GPR89B: variants seen among roughly 807,000 people sequenced by gnomAD.
GPR89B encodes the protein golgi pH regulator B.
In GPR89B, 25 loss-of-function variants were observed where a neutral mutation model predicts 52.4. That is an observed-to-expected ratio of 0.48 (90% CI 0.35 to 0.67). The LOEUF (loss-of-function observed/expected upper bound fraction) is 0.67, where lower values mean the gene tolerates loss of function less well. Ranked by LOEUF, GPR89B falls within the 30% of genes least tolerant of loss-of-function variation. The pLI, the probability that GPR89B is intolerant of heterozygous loss-of-function variation, is 0.01. For missense variants in GPR89B, 146 were observed against 450.2 expected (o/e 0.32, Z 6.11); for synonymous variants, 52 against 151.2 (o/e 0.34, Z 4.81).
the GPR89B span, chr1:148,011,426 C>T: frequency 6.6e-6 from 1 of 152,318 alleles, no homozygotes; most frequent in East Asian, 1.9e-4. Flanking sequence ...CGGGCACACC[C>T]CTGAGTAATC....
chr1:147,935,457 G>A (rs1312055659), intron 1 of GPR89B, among the ~76,000 whole-genome samples: 2 of 152,244 alleles, frequency 1.3e-5, no homozygotes, highest in Non-Finnish European at 1.5e-5. Flanking sequence ...GTGTCAGTGT[G>A]TATGTATAGA....
At chr1:147,988,187 T>C (rs1260517416) in intron 11 of GPR89B, among the ~76,000 whole-genome samples, 2 of 151,530 alleles carry the variant, frequency 1.3e-5, no homozygotes, top group African/African-American at 4.8e-5. Context: ...ACCCTGGCTC[T>C]ACAAAAAAAA....
downstream of GPR89B, among the ~76,000 whole-genome samples, chr1:147,995,194 C>G (rs2149099798): frequency 6.6e-6 from 1 of 150,926 alleles, no homozygotes; most frequent in African/African-American, 2.4e-5. Context: ...ATCCTGATAA[C>G]AATCCTACAA....
At chr1:148,002,882 C>A in the GPR89B span, among the ~76,000 whole-genome samples, 1 of 152,192 alleles carries the variant, frequency 6.6e-6, no homozygotes. Flanking sequence ...TTTCCCAAAT[C>A]TATTCATGTT....
At chr1:147,937,026 G>A (rs7412158) in intron 2 of GPR89B, among the ~76,000 whole-genome samples, 1 of 151,426 alleles carries the variant, frequency 6.6e-6, no homozygotes, top group African/African-American at 2.4e-5. Flanking sequence ...TGAATTGCAA[G>A]CCTTATATTA....
intron 1 of GPR89B, among the ~76,000 whole-genome samples, chr1:147,932,611 C>T (rs587616529): frequency 2.6e-5 from 4 of 152,166 alleles, no homozygotes; most frequent in Non-Finnish European, 5.9e-5. Flanking sequence ...AACCATGCCT[C>T]GTACTTACTC....
chr1:147,933,888 A>C (rs1279978758), intron 1 of GPR89B, among the ~76,000 whole-genome samples: 1 of 152,162 alleles, frequency 6.6e-6, no homozygotes, highest in Non-Finnish European at 1.5e-5. Context: ...AACAAATCAG[A>C]CCATGCCATT....
chr1:147,994,308 T>A (rs1659260179), downstream of GPR89B: 1 of 1,524,936 alleles, frequency 6.6e-7, no homozygotes, highest in African/African-American at 1.4e-5. Context: ...TCATCACATC[T>A]CTGTATCTTC....
At chr1:147,949,432 T>A (rs1215066136) in intron 5 of GPR89B, among the ~76,000 whole-genome samples, 28 of 6,794 alleles carry the variant, frequency 4.1e-3, no homozygotes, top group South Asian at 6.6e-3. Context: ...GCTGGCCGGG[T>A]GGGGGGCTGA....
chr1:148,025,523 CAAAAAAAAAAAAAAAAA>C, the GPR89B span, among the ~76,000 whole-genome samples: 3 of 29,656 alleles, frequency 1.0e-4, no homozygotes, highest in Admixed American at 5.0e-4. Flanking sequence ...AACTCTGTCT[CAAAAAAAAAAAAAAAAA>C]AAAAAAAAAA....
At chr1:148,014,351 C>T in the GPR89B span, 1 of 151,674 alleles carries the variant, frequency 6.6e-6, no homozygotes, top group African/African-American at 2.4e-5. Flanking sequence ...ACTCAAGATT[C>T]GTAGGAGGGC....
At chr1:147,933,555 A>G (rs1653827517) in intron 1 of GPR89B, among the ~76,000 whole-genome samples, 1 of 152,044 alleles carries the variant, frequency 6.6e-6, no homozygotes, top group African/African-American at 2.4e-5. Flanking sequence ...AGTGTGTTCA[A>G]AAATGAGCTC....
In GPR89B at chr1:147,943,539, G is replaced by A. The variant is rs782621260; in HGVS notation, c.308G>A (p.Arg103Gln). The change falls in exon 4 of 14, where the codon CGA becomes CAA. Residue 103 changes from arginine (R) to glutamine (Q), a missense_variant. Transcript: ENST00000314163. ...GGCTATTTTATTGTGAGCAATATCC[G>A]ACTACGTAAGTATTTTACCCTCTCA... ...YIGYFIVSNI[R>Q]LLHKQRLLFS... The A allele has an allele frequency of 8.1e-6, 13 of 1,613,188 alleles. No homozygotes were observed. Among genetic ancestry groups the A allele is most frequent in the Admixed American group, 5.0e-5 (3 of 59,996 alleles).
At chr1:147,968,247 G>C (rs1226072415) in intron 8 of GPR89B, 1 of 453,710 alleles carries the variant, frequency 2.2e-6, no homozygotes. Flanking sequence ...AACGGAAAGA[G>C]CAGGCTTTGG....
chr1:147,948,731 T>G (rs1249769056), intron 5 of GPR89B, among the ~76,000 whole-genome samples: 8 of 151,964 alleles, frequency 5.3e-5, no homozygotes, highest in Admixed American at 4.6e-4. Context: ...GGAAATGGTG[T>G]TGTGGAAGCC....
the GPR89B span, among the ~76,000 whole-genome samples, chr1:148,003,506 C>G: frequency 6.6e-6 from 1 of 152,166 alleles, no homozygotes; most frequent in Non-Finnish European, 1.5e-5. Flanking sequence ...GTACCAAAAA[C>G]AAACGCTACC....
rs1301356281 is a variant in GPR89B at position 147,929,728 on chromosome 1, A to G, written c.42+1150A>G. On this transcript the variant is annotated intron_variant, in intron 1 of 13. Transcript: ENST00000314163. Reference sequence around the variant, plus strand: ...CTTTTCTCTTCAAAAACTTGTTTACAATATTTAAGAAAATAAGAAAGAAGG... The same window carrying G: ...CTTTTCTCTTCAAAAACTTGTTTACGATATTTAAGAAAATAAGAAAGAAGG... Among the ~76,000 whole-genome samples the G allele has an allele frequency of 4.6e-5, 7 of 152,232 alleles. No homozygotes were observed. In the East Asian group the frequency reaches 1.3e-3, roughly 29 times the overall value.
chr1:147,938,627 A>C (rs1234188908), intron 2 of GPR89B, 87 bp from the exon 3 acceptor site: 1 of 1,605,734 alleles, frequency 6.2e-7, no homozygotes, highest in East Asian at 2.2e-5. Flanking sequence ...CCTCAAAATA[A>C]GTTTTCTGCC....
At chr1:148,023,274 A>C in the GPR89B span, among the ~76,000 whole-genome samples, 1 of 145,798 alleles carries the variant, frequency 6.9e-6, no homozygotes, top group Admixed American at 6.8e-5. Flanking sequence ...ACATGATTTC[A>C]TTCTTTTTTA....
Sources: allele counts gnomAD v4.1 joint callset (sites outside exome capture counted in the v4.1 genomes callset), GRCh38; gene constraint gnomAD v4.1.1; transcripts MANE v1.5; gene names NCBI Gene and HGNC (gene_info 2026-07-23, HGNC 2026-07-21).